Variants in CSMD3 observed in about 807,000 individuals in gnomAD.
CSMD3 encodes CUB and sushi domain-containing protein 3.
A neutral mutation model predicts 435.2 loss-of-function variants in CSMD3; 177 were observed. That is an observed-to-expected ratio of 0.41 (90% confidence interval 0.36 to 0.46). The LOEUF (loss-of-function observed/expected upper bound fraction) is 0.46, where lower values mean the gene tolerates loss of function less well. Ranked by LOEUF, CSMD3 falls within the 20% of genes least tolerant of loss-of-function variation. The pLI, the probability that CSMD3 is intolerant of heterozygous loss-of-function variation, is 0.34. For synonymous variants in CSMD3, 1,656 were observed against 1,520.5 expected, an observed-to-expected ratio of 1.09 and a Z score of -2.07; for missense variants, 4,265 against 4,504.6, an observed-to-expected ratio of 0.95 and a Z score of 1.52.
At chr8:112,433,545 T>C (rs1003785947) in intron 32 of CSMD3, among the ~76,000 whole-genome samples, 6 of 150,520 alleles carry the variant, frequency 4.0e-5, no homozygotes, top group African/African-American at 1.5e-4. Context: ...TGGTCCCAAC[T>C]ACTCAGAGTG....
chr8:113,173,304 A>G (rs564491781), intron 4 of CSMD3, among the ~76,000 whole-genome samples: 79 of 152,008 alleles, frequency 5.2e-4, no homozygotes, highest in African/African-American at 1.8e-3. Flanking sequence ...ATATGAGACT[A>G]TTTATCCTTT....
intron 6 of CSMD3, among the ~76,000 whole-genome samples, chr8:113,014,232 C>G (rs535238829): frequency 6.6e-6 from 1 of 152,096 alleles, no homozygotes; most frequent in Non-Finnish European, 1.5e-5. Context: ...ACTGTGGTTC[C>G]CACTTCCTTG....
In CSMD3 at chr8:112,722,317, C is replaced by A. The variant is rs1052416502; in HGVS notation, c.1973-32267G>T. Among the ~76,000 whole-genome samples, 4 of 151,756 alleles carry A rather than the reference C, an allele frequency of 2.6e-5. No homozygotes were observed. The East Asian group carries it at 7.7e-4, about 29-fold the overall frequency. On this transcript the variant is annotated intron_variant, in intron 13 of 70. Transcript: ENST00000297405. Reference sequence around the variant, plus strand: ...TTTTAAAAAAAAAGGCTATACCAGACCTTTTTGGGCAAACTGGGTATATTG... The same window carrying A: ...TTTTAAAAAAAAAGGCTATACCAGAACTTTTTGGGCAAACTGGGTATATTG...
At chr8:113,007,946 A>G (rs2086117748) in intron 6 of CSMD3, among the ~76,000 whole-genome samples, 1 of 151,896 alleles carries the variant, frequency 6.6e-6, no homozygotes, top group Non-Finnish European at 1.5e-5. Flanking sequence ...TAACCCCCTT[A>G]TGTAAAATTA....
intron 4 of CSMD3, among the ~76,000 whole-genome samples, chr8:113,167,325 T>G (rs2092171875): frequency 6.6e-6 from 1 of 152,180 alleles, no homozygotes; most frequent in Admixed American, 6.6e-5. Context: ...TTAAATAAAT[T>G]TTTCAAAACT....
intron 41 of CSMD3, among the ~76,000 whole-genome samples, chr8:112,345,609 A>G (rs1825590217): frequency 6.6e-6 from 1 of 152,140 alleles, no homozygotes; most frequent in Non-Finnish European, 1.5e-5. Context: ...TGTTGGTTAA[A>G]GGGCACAAAA....
At chr8:113,035,017 T>C (rs147339801) in intron 5 of CSMD3, among the ~76,000 whole-genome samples, 1 of 151,962 alleles carries the variant, frequency 6.6e-6, no homozygotes, top group Non-Finnish European at 1.5e-5. Context: ...AGAAAAACTT[T>C]TATAGAGTAT....
At chr8:112,419,654 G>A (rs992762704) in intron 32 of CSMD3, among the ~76,000 whole-genome samples, 20 of 152,206 alleles carry the variant, frequency 1.3e-4, no homozygotes, top group African/African-American at 4.8e-4. Flanking sequence ...ATTTCTGTCT[G>A]TATTGTGACC....
chr8:112,893,665 C>T (rs1206184670), intron 10 of CSMD3, among the ~76,000 whole-genome samples: 1 of 151,432 alleles, frequency 6.6e-6, no homozygotes, highest in East Asian at 2.0e-4. Context: ...ATTTGAGTGC[C>T]TTACCAACTG....
intron 12 of CSMD3, among the ~76,000 whole-genome samples, chr8:112,829,258 G>A (rs1010592995): frequency 6.6e-6 from 1 of 151,926 alleles, no homozygotes; most frequent in Non-Finnish European, 1.5e-5. Context: ...CACTAAGTTC[G>A]GCTTGAGGGC....
intron 13 of CSMD3, among the ~76,000 whole-genome samples, chr8:112,744,462 C>T (rs540438616): frequency 6.6e-6 from 1 of 152,006 alleles, no homozygotes; most frequent in East Asian, 1.9e-4. Flanking sequence ...GTTTAAAATA[C>T]AGTATTTATC....
intron 27 of CSMD3, among the ~76,000 whole-genome samples, chr8:112,519,224 G>C (rs1470726254): frequency 6.6e-6 from 1 of 152,094 alleles, no homozygotes; most frequent in Non-Finnish European, 1.5e-5. Flanking sequence ...TTTTAAGTCT[G>C]CCATTCATGC....
At chr8:112,459,293 T>C (rs1018711518) in intron 32 of CSMD3, among the ~76,000 whole-genome samples, 2 of 151,096 alleles carry the variant, frequency 1.3e-5, no homozygotes, top group Non-Finnish European at 3.0e-5. Flanking sequence ...GGGTTTTTTT[T>C]CCTCACCCTT....
chr8:112,265,378 C>T (rs2130407794), intron 60 of CSMD3, 33 bp downstream of exon 60: 1 of 1,516,196 alleles, frequency 6.6e-7, no homozygotes. Flanking sequence ...TACTGGTTAC[C>T]ATTTTTAAAT....
At chr8:112,920,218 G>C (rs976482101) in intron 10 of CSMD3, among the ~76,000 whole-genome samples, 1 of 151,780 alleles carries the variant, frequency 6.6e-6, no homozygotes, top group African/African-American at 2.4e-5. Context: ...CTAGGATAAA[G>C]GAGGGGGGAA....
intron 27 of CSMD3, among the ~76,000 whole-genome samples, chr8:112,518,278 A>T (rs1823891190): frequency 6.6e-6 from 1 of 151,934 alleles, no homozygotes; most frequent in African/African-American, 2.4e-5. Flanking sequence ...AGGCAAGAGG[A>T]TTTCTAAATC....
intron 1 of CSMD3, among the ~76,000 whole-genome samples, chr8:113,330,560 C>A (rs1003543768): frequency 6.6e-6 from 1 of 151,648 alleles, no homozygotes; most frequent in East Asian, 1.9e-4. Context: ...ATTTTAGGTA[C>A]AGAGGCACAA....
At chr8:113,170,933 G>A (rs1472588883) in intron 4 of CSMD3, among the ~76,000 whole-genome samples, 1 of 151,778 alleles carries the variant, frequency 6.6e-6, no homozygotes, top group Non-Finnish European at 1.5e-5. Flanking sequence ...AATCTTGCTG[G>A]GACCTGGGAG....
chr8:112,776,767 T>C (rs1278635366), intron 13 of CSMD3, among the ~76,000 whole-genome samples: 1 of 151,804 alleles, frequency 6.6e-6, no homozygotes, highest in African/African-American at 2.4e-5. Flanking sequence ...ATTGTTTCCT[T>C]ACATTTCCCT....
Sources: gnomAD v4.1 joint callset for allele counts (sites outside exome capture counted in the v4.1 genomes callset) on GRCh38, gnomAD v4.1.1 for gene constraint, MANE v1.5 for transcripts, NCBI Gene and HGNC (gene_info 2026-07-23, HGNC 2026-07-21) for gene names.